The following UGT1A4 variants were observed in gnomAD, a reference collection of about 807,000 sequenced individuals.
UGT1A4 encodes UDP-glucuronosyltransferase 1A4.
A neutral mutation model predicts 41.1 loss-of-function variants in UGT1A4; 32 were observed. The ratio of observed to expected loss-of-function variants is 0.78; its 90% CI spans 0.59 to 1.05. The LOEUF (loss-of-function observed/expected upper bound fraction) is 1.05, where lower values mean the gene tolerates loss of function less well. UGT1A4 is among the 50% of genes least tolerant of loss of function. UGT1A4 has a pLI of 0.00. For synonymous variants in UGT1A4, 283 were observed against 265.1 expected (o/e 1.07, Z -0.66); for missense variants, 748 against 677.4 (o/e 1.10, Z -1.16).
At chr2:233,725,418 C>T (rs1426524230) in intron 1 of UGT1A4, among the ~76,000 whole-genome samples, 1 of 151,350 alleles carries the variant, frequency 6.6e-6, no homozygotes, top group Non-Finnish European at 1.5e-5. Flanking sequence ...CAGAATTGTC[C>T]AATAGAAATA....
chr2:233,748,074 T>C lies in UGT1A4; in HGVS notation c.868-18960T>C, dbSNP rs1392402990. 2.5e-6 allele frequency: 4 copies of C among 1,613,184 alleles called. No individual in the cohort carries two copies. The East Asian group carries it at 8.9e-5, about 36-fold the overall frequency. On this transcript the variant is annotated intron_variant, in intron 1 of 4. Transcript: ENST00000373409. ...CAACTGTGCCAACAGGAAGCCACTA[T>C]CTCAGGTCGGTGTTCGTGCCTTCAT...
chr2:233,735,645 G>C (rs1395226137), intron 1 of UGT1A4, among the ~76,000 whole-genome samples: 1 of 152,164 alleles, frequency 6.6e-6, no homozygotes, highest in Admixed American at 6.5e-5. Flanking sequence ...GCAGTGGCTG[G>C]TACTGGTGTT....
intron 1 of UGT1A4, among the ~76,000 whole-genome samples, chr2:233,723,516 CTTTTT>C (rs1162916866): frequency 9.4e-5 from 8 of 85,396 alleles, no homozygotes; most frequent in South Asian, 1.1e-3. Context: ...GGTCAACAAT[CTTTTT>C]TTTTTTTTTT....
At chr2:233,742,213 CAGGGCTGAG>C (rs1691910007) in intron 1 of UGT1A4, among the ~76,000 whole-genome samples, 1 of 151,938 alleles carries the variant, frequency 6.6e-6, no homozygotes, top group Non-Finnish European at 1.5e-5. Context: ...TCACAGCCTT[CAGGGCTGAG>C]AGCCCCAAAC....
intron 1 of UGT1A4, chr2:233,721,915 C>A: frequency 2.4e-6 from 1 of 417,320 alleles, no homozygotes; most frequent in East Asian, 6.7e-5. Context: ...CACACTGCTT[C>A]CATAAAGTGA....
At chr2:233,757,339 A>G (rs1013645188) in intron 1 of UGT1A4, among the ~76,000 whole-genome samples, 2 of 151,118 alleles carry the variant, frequency 1.3e-5, no homozygotes, top group African/African-American at 4.9e-5. Context: ...GGACCATGAC[A>G]GCTGGGTCTG....
At chr2:233,747,498 C>T in intron 1 of UGT1A4, 3 of 1,608,498 alleles carry the variant, frequency 1.9e-6, no homozygotes, top group East Asian at 4.5e-5. Flanking sequence ...TGTGCTGGGC[C>T]ACACTCAACT....
chr2:233,738,866 G>C (rs1369397028), intron 1 of UGT1A4: 1 of 152,204 alleles, frequency 6.6e-6, no homozygotes, highest in Non-Finnish European at 1.5e-5. Context: ...TGGGGAAAAT[G>C]GCTCCAGGGC....
chr2:233,756,969 C>G (rs1044581590), intron 1 of UGT1A4, among the ~76,000 whole-genome samples: 1 of 151,840 alleles, frequency 6.6e-6, no homozygotes, highest in East Asian at 1.9e-4. Flanking sequence ...TTGGTAAGCA[C>G]GCAATGAACA....
chr2:233,761,233 T>G, intron 1 of UGT1A4: 1 of 1,613,114 alleles, frequency 6.2e-7, no homozygotes, highest in South Asian at 1.1e-5. Flanking sequence ...CCCAGATATA[T>G]GCTGAGCAAG....
chr2:233,747,299 G>A, intron 1 of UGT1A4: 1 of 1,602,106 alleles, frequency 6.2e-7, no homozygotes, highest in Non-Finnish European at 8.5e-7. Flanking sequence ...GCTGAGAGTG[G>A]GAAGGTGCTG....
intron 1 of UGT1A4, among the ~76,000 whole-genome samples, chr2:233,746,886 T>G (rs1265545295): frequency 6.6e-6 from 1 of 151,624 alleles, no homozygotes; most frequent in Non-Finnish European, 1.5e-5. Context: ...AACAGAGAAG[T>G]AGGAGGCTGT....
intron 1 of UGT1A4, chr2:233,755,320 T>G: frequency 2.0e-6 from 1 of 508,264 alleles, no homozygotes; most frequent in Admixed American, 3.4e-5. Flanking sequence ...GCGGCAAGGC[T>G]GCCAGCACCC....
chr2:233,741,611 T>G (rs1691716714), intron 1 of UGT1A4: 1 of 151,894 alleles, frequency 6.6e-6, no homozygotes. Context: ...CAGAGTTCAG[T>G]GTCAGACCCC....
rs1043133002 is a variant in UGT1A4, at chr2:233,769,410, C to T, written c.1307+971C>T. On this transcript the variant is annotated intron_variant, in intron 4 of 4. Transcript: ENST00000373409. This position sits in a 1 kb window ranked among gnomAD's most constrained non-coding sequence, Gnocchi z 4.4. ...GATACTGTGTGCATATGTGCGTGTG[C>T]GTTTGTGCATGTGGCTGTGCTCATG... is the stretch of plus-strand genomic sequence containing the variant. 3.7e-5 allele frequency: 49 copies of T among 1,332,922 alleles called. No homozygotes were observed. The highest frequency in any genetic ancestry group is 1.1e-4 in the Admixed American group (6 of 53,448). The allele number at this position is 1,332,922 out of a possible 1,614,324, so 82.6% of individuals were successfully genotyped here.
At chr2:233,722,255 G>A (rs549830880) in intron 1 of UGT1A4, among the ~76,000 whole-genome samples, 90 of 152,216 alleles carry the variant, frequency 5.9e-4, no homozygotes, top group African/African-American at 2.1e-3. Flanking sequence ...TGACAGACAC[G>A]CCATTATCAT....
chr2:233,740,668 G>C (rs1267064015), intron 1 of UGT1A4: 1 of 151,782 alleles, frequency 6.6e-6, no homozygotes, highest in Non-Finnish European at 1.5e-5. Context: ...GAAGGTACAG[G>C]TGTTTCCATG....
At chr2:233,747,905 T>G in intron 1 of UGT1A4, 2 of 1,613,538 alleles carry the variant, frequency 1.2e-6, no homozygotes, top group Non-Finnish European at 1.7e-6. Flanking sequence ...CTGCTCCTTA[T>G]GCAAGCCTTG....
intron 1 of UGT1A4, among the ~76,000 whole-genome samples, chr2:233,733,322 C>A (rs1174900134): frequency 6.6e-6 from 1 of 152,146 alleles, no homozygotes; most frequent in African/African-American, 2.4e-5. Context: ...CCTGATTGCC[C>A]TGGCCAGAAC....
Sources: allele counts gnomAD v4.1 joint callset (sites outside exome capture counted in the v4.1 genomes callset), GRCh38; gene constraint gnomAD v4.1.1; non-coding constraint Gnocchi (gnomAD v3.1); transcripts MANE v1.5; gene names NCBI Gene and HGNC (gene_info 2026-07-23, HGNC 2026-07-21).